Variants in USP40 observed in about 807,000 individuals in gnomAD.
The protein encoded by USP40 is ubiquitin carboxyl-terminal hydrolase 40.
A neutral mutation model predicts 166.2 loss-of-function variants in USP40; 143 were observed. The ratio of observed to expected loss-of-function variants is 0.86; its 90% CI spans 0.75 to 0.99. The LOEUF (loss-of-function observed/expected upper bound fraction) is 0.99, where lower values mean the gene tolerates loss of function less well. Ranked by LOEUF, USP40 falls within the 50% of genes least tolerant of loss-of-function variation. The pLI is 0.00. For missense variants in USP40, 1,444 were observed against 1,479.7 expected (o/e 0.98, Z 0.40); for synonymous variants, 498 against 524.0 (o/e 0.95, Z 0.68).
At chr2:233,551,167 C>T (rs1406952844) in intron 7 of USP40, among the ~76,000 whole-genome samples, 1 of 152,300 alleles carries the variant, frequency 6.6e-6, no homozygotes, top group African/African-American at 2.4e-5. Flanking sequence ...AGTGAGGCTG[C>T]TACTGTCATC....
At chr2:233,489,228 C>T (rs924727193) in intron 27 of USP40, 137 bp downstream of exon 27, 22 of 787,166 alleles carry the variant, frequency 2.8e-5, no homozygotes, top group Non-Finnish European at 4.7e-5. Context: ...AAGTGTCACC[C>T]AAGTCACAAG....
At position 233,565,582 on chromosome 2, in the gene USP40, A is replaced by T; in HGVS notation, c.-19-9T>A. 6.5e-7 allele frequency: 1 copy of T among 1,528,548 alleles called. No homozygotes were observed. Among genetic ancestry groups the T allele is most frequent in the Non-Finnish European group, 8.7e-7 (1 of 1,143,806 alleles). The allele number at this position is 1,528,548 out of a possible 1,614,324, so 94.7% of individuals were successfully genotyped here. A position where few individuals can be genotyped will look rare whatever the true frequency, so the allele number is the denominator to read the frequency against. On this transcript the variant is annotated splice_polypyrimidine_tract_variant and intron_variant, in intron 1 of 31. Transcript: ENST00000678225. ...TGAAACTAAATACTACCCTTAAAAA[A>T]AGTGACATATAAATGCTTTTATTTT...
chr2:233,509,707 A>C (rs574584129), intron 21 of USP40, among the ~76,000 whole-genome samples: 1 of 151,684 alleles, frequency 6.6e-6, no homozygotes, highest in Non-Finnish European at 1.5e-5. Flanking sequence ...TGGGTGTGGT[A>C]GTAGGTAACT....
chr2:233,552,641 T>C (rs2070682194), intron 6 of USP40, among the ~76,000 whole-genome samples: 1 of 152,140 alleles, frequency 6.6e-6, no homozygotes, highest in African/African-American at 2.4e-5. Flanking sequence ...ACAAAATAAA[T>C]AAGCAAATGA....
At chr2:233,497,509 G>A (rs1272205813) in intron 23 of USP40, among the ~76,000 whole-genome samples, 1 of 152,170 alleles carries the variant, frequency 6.6e-6, no homozygotes, top group Non-Finnish European at 1.5e-5. Flanking sequence ...TGACAGTTTG[G>A]AGGCTGAGAG....
At chr2:233,494,451 C>T (rs1354776122) in intron 24 of USP40, among the ~76,000 whole-genome samples, 1 of 152,092 alleles carries the variant, frequency 6.6e-6, no homozygotes, top group Non-Finnish European at 1.5e-5. Flanking sequence ...CCCAGCCATT[C>T]CACGTTTAGG....
Position 233,496,461 on chromosome 2 carries a change from A to G in USP40, c.2790+297T>C, listed in dbSNP as rs542056270. On this transcript the variant is annotated intron_variant, in intron 24 of 31. Transcript: ENST00000678225. ...GTTTCCAACAATGAGGATATAGATC[A>G]ATTAAATTAGTAAAACATTACCTTG... is the stretch of plus-strand genomic sequence containing the variant. Among the ~76,000 whole-genome samples the G allele has an allele frequency of 2.0e-4, 30 of 152,360 alleles. 1 individual carries two copies. The highest frequency in any genetic ancestry group is 1.5e-5 in the Non-Finnish European group (1 of 68,026).
intron 4 of USP40, 41 bp downstream of exon 4, chr2:233,559,770 C>T: frequency 2.1e-6 from 3 of 1,410,808 alleles, no homozygotes; most frequent in African/African-American, 2.9e-5. Context: ...ATTCTTTCCT[C>T]TATTGCTGGT....
At chr2:233,544,519 G>C (rs12473743) in intron 8 of USP40, among the ~76,000 whole-genome samples, 120,354 of 151,986 alleles carry the variant, frequency 0.79, 47,735 homozygotes, top group East Asian at 0.87. Flanking sequence ...AATGGGACTG[G>C]CTTCTCTGGC....
intron 10 of USP40, among the ~76,000 whole-genome samples, chr2:233,537,758 C>T (rs1014021987): frequency 3.3e-5 from 5 of 152,016 alleles, no homozygotes; most frequent in Non-Finnish European, 7.4e-5. Context: ...TATTTTCAGA[C>T]AAAATCTGAA....
At chr2:233,496,206 A>C (rs2125093305) in intron 24 of USP40, among the ~76,000 whole-genome samples, 1 of 152,314 alleles carries the variant, frequency 6.6e-6, no homozygotes, top group South Asian at 2.1e-4. Context: ...TTTTGGGTTC[A>C]CTTTTACGTG....
chr2:233,527,435 A>G lies in USP40; in HGVS notation c.1697T>C (p.Leu566Ser), dbSNP rs373226220. 6.2e-6 allele frequency: 10 copies of G among 1,613,390 alleles called. No individual in the cohort carries two copies. The highest frequency in any genetic ancestry group is 2.2e-5 in the East Asian group (1 of 44,860). ...WDLTFDKRKT[L>S]GDLRQSIFQL... ...AAATATTGACTGCCGGAGATCTCCT[A>G]AAGTTTTTCTTTTATCAAAGGTCAA... The change falls in exon 13 of 32, where the codon TTA becomes TCA. Residue 566 changes from leucine to serine, a missense_variant. Physicochemically the swap from Leu to Ser is moderately radical, Grantham distance 145. Coordinates refer to ENST00000678225, the MANE Select transcript of USP40 (RefSeq NM_001365479.2).
At chr2:233,553,810 T>G (rs1471251546) in intron 6 of USP40, among the ~76,000 whole-genome samples, 1 of 149,020 alleles carries the variant, frequency 6.7e-6, no homozygotes, top group Non-Finnish European at 1.5e-5. Context: ...AGCTCTCACA[T>G]GGCAAAAGAT....
chr2:233,519,385 G>C (rs1214617786), intron 18 of USP40: 2 of 426,516 alleles, frequency 4.7e-6, no homozygotes, highest in South Asian at 2.5e-5. Context: ...ATTGTATCTG[G>C]GGAAGGAGAG....
intron 10 of USP40, among the ~76,000 whole-genome samples, chr2:233,534,895 T>G (rs2068830127): frequency 6.6e-6 from 1 of 152,216 alleles, no homozygotes; most frequent in Admixed American, 6.5e-5. Context: ...AAAGAAATTT[T>G]CTTAGACTAA....
intron 10 of USP40, among the ~76,000 whole-genome samples, chr2:233,539,337 G>C (rs2069188380): frequency 6.6e-6 from 1 of 152,074 alleles, no homozygotes. Context: ...ACAGAACATT[G>C]AGCAGGATAG....
intron 26 of USP40, chr2:233,489,824 G>A (rs982707488): frequency 6.9e-5 from 14 of 201,668 alleles, no homozygotes; most frequent in South Asian, 4.3e-4. Flanking sequence ...GGCAGAGCCC[G>A]CTCTAACAGT....
At chr2:233,510,918 C>T (rs1047274601) in intron 20 of USP40, among the ~76,000 whole-genome samples, 1 of 152,298 alleles carries the variant, frequency 6.6e-6, no homozygotes, top group African/African-American at 2.4e-5. Context: ...CATAGCCCTG[C>T]TTTTCCTTTC....
intron 17 of USP40, 24 bp from the exon 18 acceptor site, chr2:233,519,695 G>A: frequency 7.7e-7 from 1 of 1,300,250 alleles, no homozygotes; most frequent in South Asian, 1.4e-5. Flanking sequence ...ATAAAATAAT[G>A]ACTAAGTTGT....
Sources: gnomAD v4.1 joint callset for allele counts (sites outside exome capture counted in the v4.1 genomes callset) on GRCh38, gnomAD v4.1.1 for gene constraint, MANE v1.5 for transcripts, NCBI Gene and HGNC (gene_info 2026-07-23, HGNC 2026-07-21) for gene names.